The following TBL1XR1 variants were observed in gnomAD, a reference collection of about 807,000 sequenced individuals.
TBL1XR1 encodes F-box-like/WD repeat-containing protein TBL1XR1.
In TBL1XR1, 5 loss-of-function variants were observed where a neutral mutation model predicts 66.9. That is an observed-to-expected ratio of 0.07 (90% CI 0.04 to 0.16). TBL1XR1 has a LOEUF of 0.16. Among genes scored for constraint, TBL1XR1 ranks in the 10% least tolerant of loss-of-function variants. The pLI is 1.00. For synonymous variants in TBL1XR1, 210 were observed against 206.0 expected (o/e 1.02, Z -0.17); for missense variants, 238 against 623.2 (o/e 0.38, Z 6.58).
chr3:177,070,931 T>C (rs950808739), intron 2 of TBL1XR1, among the ~76,000 whole-genome samples: 5 of 152,068 alleles, frequency 3.3e-5, no homozygotes, highest in African/African-American at 1.2e-4. Context: ...ACTGAGTGTG[T>C]CTGAATAGGA....
At chr3:177,173,141 C>T (rs1017869446) in intron 1 of TBL1XR1, among the ~76,000 whole-genome samples, 25 of 152,244 alleles carry the variant, frequency 1.6e-4, no homozygotes, top group African/African-American at 6.0e-4. Flanking sequence ...GAGCCGAGAT[C>T]GTGCCACTGC....
chr3:177,069,025 C>T (rs1247418594), intron 2 of TBL1XR1, among the ~76,000 whole-genome samples: 6 of 152,042 alleles, frequency 3.9e-5, no homozygotes, highest in African/African-American at 1.4e-4. Flanking sequence ...ATCCAGAGCT[C>T]GGATGTAAAT....
At chr3:177,091,598 T>G (rs939232190) in intron 2 of TBL1XR1, among the ~76,000 whole-genome samples, 2 of 152,150 alleles carry the variant, frequency 1.3e-5, no homozygotes, top group Non-Finnish European at 2.9e-5. Flanking sequence ...AGAAGTCAAC[T>G]TGAAAAGGCT....
At chr3:177,047,268 A>C in intron 9 of TBL1XR1, 32 bp downstream of exon 9, 4 of 1,504,208 alleles carry the variant, frequency 2.7e-6, no homozygotes, top group Non-Finnish European at 3.6e-6. Context: ...TCTGTAATAC[A>C]TTTGCCTTTA....
At chr3:177,055,566 G>A (rs1445816854) in intron 3 of TBL1XR1, among the ~76,000 whole-genome samples, 12 of 149,070 alleles carry the variant, frequency 8.0e-5, no homozygotes, top group African/African-American at 4.9e-5. Flanking sequence ...GGGGTGGGGG[G>A]GTGGGGGCGG....
At position 177,060,818 on chromosome 3, in the gene TBL1XR1, A is replaced by G. The variant is rs188892699; in HGVS notation, c.58+4102T>C. Reference sequence around the variant, plus strand: ...GTATTTATCTGCATATGGTTGCTAGATAAGTTATTAGGGCAATGAAATTAA... The same window carrying G: ...GTATTTATCTGCATATGGTTGCTAGGTAAGTTATTAGGGCAATGAAATTAA... On this transcript the variant is annotated intron_variant, in intron 3 of 15. Transcript: ENST00000457928. Among the ~76,000 whole-genome samples the G allele has an allele frequency of 1.0e-3, 152 of 152,376 alleles. 1 individual carries two copies. Among genetic ancestry groups the G allele is most frequent in the African/African-American group, 3.4e-3 (140 of 41,596 alleles).
intron 2 of TBL1XR1, among the ~76,000 whole-genome samples, chr3:177,097,245 T>C (rs954036602): frequency 2.6e-5 from 4 of 152,234 alleles, no homozygotes; most frequent in Admixed American, 2.6e-4. Flanking sequence ...ACTAAAATTG[T>C]TGGTAATGAA....
chr3:177,163,595 T>C (rs770851031), intron 1 of TBL1XR1, among the ~76,000 whole-genome samples: 6 of 152,076 alleles, frequency 3.9e-5, no homozygotes, highest in Non-Finnish European at 7.3e-5. Flanking sequence ...TCAAAGTGAC[T>C]AGTACCCTAA....
chr3:177,091,805 C>A (rs115467800), intron 2 of TBL1XR1, among the ~76,000 whole-genome samples: 2,096 of 152,264 alleles, frequency 0.014, 56 homozygotes, highest in African/African-American at 0.048. Context: ...AAGAATCATG[C>A]ATTTCATATG....
chr3:177,148,157 A>AAT (rs577573839), intron 1 of TBL1XR1, among the ~76,000 whole-genome samples: 87 of 152,338 alleles, frequency 5.7e-4, no homozygotes, highest in African/African-American at 2.0e-3. Context: ...ACCAATTTAG[A>AAT]ATATAACACA....
chr3:177,044,605 A>C (rs980995847), intron 10 of TBL1XR1, among the ~76,000 whole-genome samples: 10 of 152,190 alleles, frequency 6.6e-5, no homozygotes, highest in Non-Finnish European at 1.5e-4. Context: ...TGGTGTATAC[A>C]TATGTCAAAA....
chr3:177,054,017 C>T (rs1285511572), intron 3 of TBL1XR1, 99 bp from the exon 4 acceptor site: 2 of 1,318,482 alleles, frequency 1.5e-6, no homozygotes, highest in South Asian at 1.4e-5. Flanking sequence ...AAATCCCATC[C>T]TACCCATTTA....
chr3:177,175,283 A>C (rs1348311159), intron 1 of TBL1XR1, among the ~76,000 whole-genome samples: 2 of 152,214 alleles, frequency 1.3e-5, no homozygotes, highest in African/African-American at 4.8e-5. Flanking sequence ...ACATTCAGGA[A>C]TCATACCATG....
chr3:177,096,708 T>G (rs1723540311), intron 2 of TBL1XR1, among the ~76,000 whole-genome samples: 1 of 152,198 alleles, frequency 6.6e-6, no homozygotes, highest in African/African-American at 2.4e-5. Context: ...CAAAGTTGAT[T>G]TACCATGAAT....
chr3:177,062,483 C>T (rs1277070999), intron 3 of TBL1XR1, among the ~76,000 whole-genome samples: 3 of 152,166 alleles, frequency 2.0e-5, no homozygotes, highest in East Asian at 3.8e-4. Flanking sequence ...TTAACATAAG[C>T]AGTTCTTAAA....
At position 177,157,268 on chromosome 3, in the gene TBL1XR1, T is replaced by C. The variant is rs1731630002; in HGVS notation, c.-122+39853A>G. ...AGGCTCCTAAAGCAGATTAGTTTCT[T>C]TTGACTTTTCTAGACTCTGGAGGCA... On this transcript the variant is annotated intron_variant, in intron 1 of 15. Coordinates refer to ENST00000457928, the MANE Select transcript of TBL1XR1 (RefSeq NM_024665.7). 2.6e-5 allele frequency among the ~76,000 whole-genome samples: 4 copies of C among 152,194 alleles called. No individual in the cohort carries two copies. The South Asian group carries it at 6.2e-4, about 24-fold the overall frequency.
At chr3:177,194,861 G>A (rs944759539) in intron 1 of TBL1XR1, among the ~76,000 whole-genome samples, 3 of 150,530 alleles carry the variant, frequency 2.0e-5, no homozygotes, top group Non-Finnish European at 4.4e-5. Context: ...ACACTTCTTT[G>A]AAGCAACCAA....
At chr3:177,125,978 T>C (rs1020723668) in intron 1 of TBL1XR1, 5 of 152,196 alleles carry the variant, frequency 3.3e-5, no homozygotes, top group African/African-American at 9.6e-5. Context: ...ATTTATGAAG[T>C]ACACAAGACA....
At chr3:177,177,062 A>ATCCCAGCTGACTCAATGCTCT (rs1734243039) in intron 1 of TBL1XR1, among the ~76,000 whole-genome samples, 2 of 152,158 alleles carry the variant, frequency 1.3e-5, no homozygotes, top group Non-Finnish European at 2.9e-5. Context: ...TTGCTCCTAA[A>ATCCCAGCTGACTCAATGCTCT]TCCCAGCTGA....
Sources: allele counts gnomAD v4.1 joint callset (sites outside exome capture counted in the v4.1 genomes callset), GRCh38; gene constraint gnomAD v4.1.1; transcripts MANE v1.5; gene names NCBI Gene and HGNC (gene_info 2026-07-23, HGNC 2026-07-21).